The following DEUP1 variants were observed in gnomAD, a reference collection of about 807,000 sequenced individuals.
The protein encoded by DEUP1 is coiled-coil domain containing 67.
In DEUP1, 82 loss-of-function variants were observed where a neutral mutation model predicts 87.4. The observed-to-expected ratio is 0.94, with a 90% CI of 0.78 to 1.13. DEUP1 has a LOEUF of 1.13. Ranked by LOEUF, DEUP1 falls within the 50% of genes most tolerant of loss-of-function variation. DEUP1 has a pLI of 0.00. For synonymous variants in DEUP1, 214 were observed against 222.7 expected (o/e 0.96, Z 0.35); for missense variants, 663 against 681.5 (o/e 0.97, Z 0.30).
chr11:93,397,260 A>G (rs1224925475), intron 11 of DEUP1, among the ~76,000 whole-genome samples: 2 of 152,176 alleles, frequency 1.3e-5, no homozygotes, highest in African/African-American at 4.8e-5. Context: ...ATATTCTAGC[A>G]TCAAAAGAGT....
chr11:93,416,303 AAAG>A (rs1176943439), intron 13 of DEUP1, among the ~76,000 whole-genome samples: 3 of 152,164 alleles, frequency 2.0e-5, no homozygotes, highest in Non-Finnish European at 4.4e-5. Context: ...ATAAAGAAAA[AAAG>A]AGAGAAGAAT....
intron 2 of DEUP1, among the ~76,000 whole-genome samples, chr11:93,349,347 CAT>C (rs1377384446): frequency 1.3e-5 from 2 of 152,176 alleles, no homozygotes; most frequent in African/African-American, 4.8e-5. Flanking sequence ...GTGGCTTACT[CAT>C]AGCATGCATA....
intron 8 of DEUP1, among the ~76,000 whole-genome samples, chr11:93,386,267 T>TC (rs368982127): frequency 1.3e-5 from 2 of 152,228 alleles, no homozygotes; most frequent in African/African-American, 4.8e-5. Flanking sequence ...GATTTTTTTT[T>TC]CTCTTTTAAA....
chr11:93,371,888 A>G (rs1410074015), intron 7 of DEUP1, among the ~76,000 whole-genome samples: 1 of 151,786 alleles, frequency 6.6e-6, no homozygotes, highest in Admixed American at 6.6e-5. Flanking sequence ...TACAGCATTC[A>G]TCAAAATTGG....
intron 13 of DEUP1, among the ~76,000 whole-genome samples, chr11:93,429,786 TG>T: frequency 6.6e-6 from 1 of 152,174 alleles, no homozygotes. Context: ...TTTAATAACA[TG>T]GGGCTTCCTT....
chr11:93,377,109 T>C (rs2134292123), intron 7 of DEUP1, among the ~76,000 whole-genome samples: 1 of 152,338 alleles, frequency 6.6e-6, no homozygotes, highest in Non-Finnish European at 1.5e-5. Context: ...TTGCATAGAC[T>C]GTAAATATCT....
chr11:93,384,655 A>G (rs1476996235), intron 7 of DEUP1, among the ~76,000 whole-genome samples: 1 of 152,228 alleles, frequency 6.6e-6, no homozygotes, highest in Non-Finnish European at 1.5e-5. Context: ...ATCACAGTTT[A>G]TAATTCATTT....
At chr11:93,418,236 G>T (rs1385086814) in intron 13 of DEUP1, among the ~76,000 whole-genome samples, 15 of 152,036 alleles carry the variant, frequency 9.9e-5, no homozygotes, top group African/African-American at 3.4e-4. Flanking sequence ...CCATCAGAGC[G>T]AACAGGCAAC....
At chr11:93,417,599 T>C (rs1478527214) in intron 13 of DEUP1, among the ~76,000 whole-genome samples, 1 of 152,254 alleles carries the variant, frequency 6.6e-6, no homozygotes, top group Admixed American at 6.5e-5. Context: ...AAAATGGCCA[T>C]ACTGCCCAAG....
intron 12 of DEUP1, among the ~76,000 whole-genome samples, chr11:93,412,241 C>A (rs1047003159): frequency 1.3e-5 from 2 of 152,192 alleles, no homozygotes; most frequent in African/African-American, 4.8e-5. Context: ...GAGTTCTGTT[C>A]CCCAGCAAAG....
chr11:93,370,285 T>C, intron 6 of DEUP1, 99 bp downstream of exon 6: 1 of 565,948 alleles, frequency 1.8e-6, no homozygotes, highest in Non-Finnish European at 2.8e-6. Flanking sequence ...ACATGCCAAC[T>C]AAGAAAAAAC....
intron 7 of DEUP1, among the ~76,000 whole-genome samples, chr11:93,381,676 CTTTT>C (rs1946310930): frequency 1.3e-5 from 2 of 151,986 alleles, no homozygotes; most frequent in Admixed American, 6.6e-5. Context: ...AAAAGCTAAC[CTTTT>C]TTTGTTTGCT....
intron 5 of DEUP1, among the ~76,000 whole-genome samples, chr11:93,364,534 A>G (rs1265851977): frequency 6.6e-6 from 1 of 152,002 alleles, no homozygotes; most frequent in South Asian, 2.1e-4. Flanking sequence ...GATTAAAAAA[A>G]AAAGAGCCAA....
intron 13 of DEUP1, among the ~76,000 whole-genome samples, chr11:93,428,631 C>T (rs1025543344): frequency 2.0e-5 from 3 of 151,832 alleles, no homozygotes; most frequent in East Asian, 1.9e-4. Context: ...ATAACAAAAC[C>T]ATCACATGTT....
At chr11:93,361,443 G>A (rs534895898) in intron 4 of DEUP1, among the ~76,000 whole-genome samples, 1 of 152,038 alleles carries the variant, frequency 6.6e-6, no homozygotes, top group East Asian at 1.9e-4. Flanking sequence ...TTATAACCTT[G>A]TCTAATATGG....
chr11:93,393,086 T>C (rs1015501653), intron 9 of DEUP1, among the ~76,000 whole-genome samples: 3 of 53,620 alleles, frequency 5.6e-5, no homozygotes, highest in Admixed American at 2.8e-4. Context: ...TCTTCCTCCT[T>C]CTTTTTTTTT....
At position 93,408,129 on chromosome 11, in the gene DEUP1, T is replaced by C. The variant is rs901333616; in HGVS notation, c.1327-102T>C. 7.3e-6 allele frequency: 6 copies of C among 821,008 alleles called. No individual in the cohort carries two copies. The African/African-American group carries it at 1.1e-4, about 15-fold the overall frequency. The allele number at this position is 821,008 out of a possible 1,614,324, so 50.9% of individuals were successfully genotyped here. On this transcript the variant is annotated intron_variant, in intron 11 of 13. Transcript: ENST00000298050. The stretch of plus-strand genomic sequence containing the variant: ...CAAGAGTACAGCCACATCACTTGGC[T>C]CAAATGAAAGGGCCTTTCCAGCACA...
intron 12 of DEUP1, among the ~76,000 whole-genome samples, chr11:93,413,172 G>T (rs1947492579): frequency 6.6e-6 from 1 of 151,762 alleles, no homozygotes; most frequent in African/African-American, 2.4e-5. Context: ...TACCTGTGGA[G>T]AATTTGAACC....
At chr11:93,378,938 T>C (rs1289643568) in intron 7 of DEUP1, among the ~76,000 whole-genome samples, 2 of 149,128 alleles carry the variant, frequency 1.3e-5, no homozygotes, top group African/African-American at 2.6e-5. Context: ...CTGCCATTTT[T>C]CCCTGCTTTT....
Sources: gnomAD v4.1 joint callset for allele counts (sites outside exome capture counted in the v4.1 genomes callset) on GRCh38, gnomAD v4.1.1 for gene constraint, MANE v1.5 for transcripts, NCBI Gene and HGNC (gene_info 2026-07-23, HGNC 2026-07-21) for gene names.